Variants in ZNF345 observed in about 807,000 individuals in gnomAD.
The protein encoded by ZNF345 is zinc finger protein HZF10.
For synonymous variants in ZNF345, 166 were observed against 187.9 expected (o/e 0.88, Z 0.95); for missense variants, 527 against 589.9 (o/e 0.89, Z 1.10).
At chr19:36,862,823 G>C (rs542400318) in intron 2 of ZNF345, 1 of 152,170 alleles carries the variant, frequency 6.6e-6, no homozygotes, top group Admixed American at 6.6e-5. Context: ...CAGCGCCTTA[G>C]AATGTGAATG....
intron 2 of ZNF345, among the ~76,000 whole-genome samples, chr19:36,861,964 G>T (rs549750405): frequency 1.3e-5 from 2 of 151,134 alleles, no homozygotes; most frequent in South Asian, 4.2e-4. Flanking sequence ...CTGTTCCAGT[G>T]ATTCTTCTGC....
At chr19:36,875,242 A>G (rs572688353) in intron 2 of ZNF345, among the ~76,000 whole-genome samples, 1 of 152,344 alleles carries the variant, frequency 6.6e-6, no homozygotes, top group South Asian at 2.1e-4. Context: ...AAAAGAGGAA[A>G]AAAGAGCTCT....
intron 2 of ZNF345, among the ~76,000 whole-genome samples, chr19:36,876,132 T>C (rs1216721538): frequency 6.6e-6 from 1 of 152,160 alleles, no homozygotes; most frequent in Non-Finnish European, 1.5e-5. Flanking sequence ...ATCATAGAAT[T>C]TGGAGGCAAA....
intron 2 of ZNF345, among the ~76,000 whole-genome samples, chr19:36,856,275 T>C (rs1017016950): frequency 2.0e-5 from 3 of 152,228 alleles, no homozygotes; most frequent in Non-Finnish European, 4.4e-5. Context: ...CGTTCTCTTA[T>C]ATATAACTTT....
intron 2 of ZNF345, chr19:36,858,290 G>C (rs2072466423): frequency 6.5e-6 from 1 of 153,204 alleles, no homozygotes; most frequent in African/African-American, 2.4e-5. Context: ...AACTGGTTGT[G>C]ATCAATTAGT....
chr19:36,871,816 G>T (rs1310615629), intron 2 of ZNF345, among the ~76,000 whole-genome samples: 1 of 152,032 alleles, frequency 6.6e-6, no homozygotes, highest in East Asian at 1.9e-4. Flanking sequence ...TGCCCAGGCT[G>T]GAGTGCAATG....
chr19:36,883,580 A>G (rs930735040), downstream of ZNF345, among the ~76,000 whole-genome samples: 6 of 152,228 alleles, frequency 3.9e-5, no homozygotes, highest in African/African-American at 7.2e-5. Context: ...TTGTACACCT[A>G]TGTAAGCACT....
chr19:36,872,841 T>C (rs776184940), intron 2 of ZNF345: 3 of 152,202 alleles, frequency 2.0e-5, no homozygotes, highest in Non-Finnish European at 2.9e-5. Context: ...ATCAAGTGAA[T>C]ATCCTTTTCC....
At chr19:36,873,114 G>A (rs2072803875) in intron 2 of ZNF345, among the ~76,000 whole-genome samples, 1 of 151,864 alleles carries the variant, frequency 6.6e-6, no homozygotes, top group South Asian at 2.1e-4. Context: ...TGAATGATTT[G>A]TTTTTATTCC....
intron 1 of ZNF345, 119 bp from the exon 2 acceptor site, chr19:36,851,711 C>G (rs1174437241): frequency 2.6e-5 from 4 of 152,350 alleles, no homozygotes; most frequent in African/African-American, 7.2e-5. Flanking sequence ...CTAGACTTCT[C>G]TGACCTTCCT....
intron 2 of ZNF345, among the ~76,000 whole-genome samples, chr19:36,854,956 AT>A (rs2072375530): frequency 6.8e-6 from 1 of 146,550 alleles, no homozygotes; most frequent in African/African-American, 2.5e-5. Flanking sequence ...TGGGTTTGCC[AT>A]TCTCCTGCCT....
chr19:36,852,772 A>G (rs149366150), intron 2 of ZNF345, among the ~76,000 whole-genome samples: 2,448 of 152,122 alleles, frequency 0.016, 25 homozygotes, highest in Non-Finnish European at 0.025. Context: ...ATTTTTGCCA[A>G]TCTGGTGGGT....
chr19:36,875,023 ATTTAT>A (rs1044810193), intron 2 of ZNF345, among the ~76,000 whole-genome samples: 6 of 152,192 alleles, frequency 3.9e-5, no homozygotes. Context: ...TTTGCAAATA[ATTTAT>A]TATATTATTC....
intron 2 of ZNF345, among the ~76,000 whole-genome samples, chr19:36,860,990 G>A (rs561087646): frequency 6.6e-6 from 1 of 152,000 alleles, no homozygotes; most frequent in East Asian, 1.9e-4. Flanking sequence ...GTATTAATTG[G>A]TTGGCATTCT....
chr19:36,853,201 A>T (rs1295805613), intron 2 of ZNF345, among the ~76,000 whole-genome samples: 1 of 149,974 alleles, frequency 6.7e-6, no homozygotes. Context: ...AAGATAATGA[A>T]GATTTTCTTT....
At chr19:36,881,198 C>T (rs2072966023), downstream of ZNF345, among the ~76,000 whole-genome samples, 1 of 152,118 alleles carries the variant, frequency 6.6e-6, no homozygotes, top group African/African-American at 2.4e-5. Flanking sequence ...TGAAATGCTC[C>T]AAATTCCAAA....
intron 3 of ZNF345, chr19:36,892,041 C>T: frequency 6.2e-7 from 1 of 1,613,142 alleles, no homozygotes; most frequent in South Asian, 1.1e-5. Context: ...TTGAGCAATA[C>T]TTAAAGGCTT....
intron 2 of ZNF345, among the ~76,000 whole-genome samples, chr19:36,869,374 GGT>G (rs1001188367): frequency 3.9e-5 from 6 of 152,260 alleles, no homozygotes; most frequent in Middle Eastern, 3.4e-3. Flanking sequence ...GTGAAAGCAG[GGT>G]GTGTCACCCT....
rs1392128948 is a variant in ZNF345 at position 36,877,489 on chromosome 19, A to G, written c.659A>G (p.His220Arg). ...AFGSGSNLTQ[H>R]RRIHTGEKPY... ...GGCAGTGGTTCAAACCTTACTCAAC[A>G]TCGGCGGATTCATACTGGTGAGAAA... is the stretch of plus-strand genomic sequence containing the variant. The change falls in exon 3 of 3, where the codon CAT becomes CGT. Residue 220 changes from histidine (H) to arginine (R), a missense_variant. His to Arg is a conservative substitution (Grantham distance 29, BLOSUM62 0). Transcript: ENST00000420450. 3 of 1,614,064 alleles carry G rather than the reference A, an allele frequency of 1.9e-6. No homozygotes were observed. Among genetic ancestry groups the G allele is most frequent in the Non-Finnish European group, 8.5e-7 (1 of 1,180,034 alleles).
Sources: gnomAD v4.1 joint callset for allele counts (sites outside exome capture counted in the v4.1 genomes callset) on GRCh38, gnomAD v4.1.1 for gene constraint, MANE v1.5 for transcripts, NCBI Gene and HGNC (gene_info 2026-07-23, HGNC 2026-07-21) for gene names.